Variants in SRCAP observed in about 807,000 individuals in gnomAD.
SRCAP encodes chromatin remodeling protein SRCAP.
In SRCAP, 46 loss-of-function variants were observed where a neutral mutation model predicts 263.1. The ratio of observed to expected loss-of-function variants is 0.17; its 90% CI spans 0.14 to 0.22. SRCAP has a LOEUF of 0.22. Among genes scored for constraint, SRCAP ranks in the 10% least tolerant of loss-of-function variants. The probability of loss-of-function intolerance (pLI) is 1.00; values close to 1 mark genes in which losing one functional copy is unlikely to be tolerated. For synonymous variants in SRCAP, 1,813 were observed against 1,662.1 expected, an observed-to-expected ratio of 1.09 and a Z score of -2.21; for missense variants, 3,695 against 4,181.9, an observed-to-expected ratio of 0.88 and a Z score of 3.21.
chr16:30,726,790 TC>T (rs1258885982), intron 25 of SRCAP, among the ~76,000 whole-genome samples: 1 of 152,186 alleles, frequency 6.6e-6, no homozygotes, highest in Non-Finnish European at 1.5e-5. Flanking sequence ...AACCTCCACT[TC>T]CCAGGCTCAA....
chr16:30,722,633 C>T lies in SRCAP; in HGVS notation c.3777C>T (p.Leu1259=), dbSNP rs1238645446. Residue 1259 remains leucine (L), a synonymous_variant, in exon 23 of 34, where the codon CTC becomes CTT. Coordinates refer to ENST00000262518, the MANE Select transcript of SRCAP (RefSeq NM_006662.3). ...TCAGCCAGCCTGCCCATGTGGCCCT[C>T]ATCCAGGCCGTGGCCCCGACCCCTG... ...HLISQPAHVA[L]IQAVAPTPGP... 1.2e-6 allele frequency: 2 copies of T among 1,614,128 alleles called. No individual in the cohort carries two copies. The highest frequency in any genetic ancestry group is 2.2e-5 in the East Asian group (1 of 44,866).
chr16:30,739,250 G>C lies in SRCAP; in HGVS notation c.9210G>C (p.Arg3070=). ...SRPLTRLARL[R]LEAEGMRGRK... is the part of the protein sequence containing the mutation. ...CCCTCACCCGCCTGGCCCGCCTTCG[G>C]CTTGAAGCAGAAGGAATGCGAGGAC... Residue 3070 remains arginine, a synonymous_variant, in exon 34 of 34, where the codon CGG becomes CGC. Coordinates refer to ENST00000262518, the MANE Select transcript of SRCAP (RefSeq NM_006662.3). 1 of 1,613,754 alleles carries C rather than the reference G, an allele frequency of 6.2e-7. No individual in the cohort carries two copies. Among genetic ancestry groups the C allele is most frequent in the Non-Finnish European group, 8.5e-7 (1 of 1,180,022 alleles).
intron 31 of SRCAP, among the ~76,000 whole-genome samples, chr16:30,735,566 A>AGTTT (rs1834553727): frequency 4.3e-5 from 2 of 46,194 alleles, no homozygotes; most frequent in African/African-American, 1.6e-4. Context: ...TTTTGACATT[A>AGTTT]CTTTTTTTTT....
rs1319217497 is a variant in SRCAP, at chr16:30,700,708, A to G, written c.-117A>G. On this transcript the variant is annotated 5_prime_UTR_variant, in exon 3 of 34. Coordinates refer to ENST00000262518, the MANE Select transcript of SRCAP (RefSeq NM_006662.3). ...CGGGTCCCGGTGGCCGGTGGCCCAG[A>G]ATGAGGCCAGCTCCCAGCATGCCCT... 3.9e-6 allele frequency: 4 copies of G among 1,031,304 alleles called. No individual in the cohort carries two copies. The highest frequency in any genetic ancestry group is 5.7e-6 in the Non-Finnish European group (4 of 705,650). 63.9% of individuals were successfully genotyped at this position (1,031,304 alleles called of 1,614,324 possible).
chr16:30,723,507 G>T, intron 24 of SRCAP, 77 bp from the exon 25 acceptor site: 1 of 1,530,830 alleles, frequency 6.5e-7, no homozygotes, highest in Admixed American at 2.1e-5. Context: ...AAGCTTGGGG[G>T]TATGGGAAAG....
intron 4 of SRCAP, among the ~76,000 whole-genome samples, chr16:30,704,890 C>T (rs1212624199): frequency 5.3e-5 from 8 of 152,120 alleles, no homozygotes; most frequent in Admixed American, 2.6e-4. Flanking sequence ...AACTGTGATG[C>T]TCTTAAGATT....
intron 27 of SRCAP, among the ~76,000 whole-genome samples, chr16:30,731,935 A>G (rs1354788740): frequency 6.7e-6 from 1 of 149,242 alleles, no homozygotes; most frequent in Non-Finnish European, 1.5e-5. Context: ...ACTTGAGTTC[A>G]TGAGTTGGAG....
At chr16:30,703,714 G>A (rs1018208666) in intron 3 of SRCAP, among the ~76,000 whole-genome samples, 7 of 151,498 alleles carry the variant, frequency 4.6e-5, no homozygotes, top group Non-Finnish European at 7.4e-5. Context: ...GGCTAACGTG[G>A]TGAAACCCTG....
At position 30,711,747 on chromosome 16, in the gene SRCAP, G is replaced by A; in HGVS notation, c.1492+3G>A. 1.2e-6 allele frequency: 2 copies of A among 1,611,994 alleles called. No homozygotes were observed. Among genetic ancestry groups the A allele is most frequent in the African/African-American group, 2.7e-5 (2 of 74,946 alleles). On this transcript the variant is annotated splice_donor_region_variant and intron_variant, in intron 11 of 33. Coordinates refer to ENST00000262518, the MANE Select transcript of SRCAP (RefSeq NM_006662.3). ...GGAGGATAGTAGCAGTCAGTCAGGT[G>A]AATATGTGGTCATGAAGCAGGAGCT... is the stretch of plus-strand genomic sequence containing the variant.
intron 7 of SRCAP, 21 bp downstream of exon 7, chr16:30,709,756 T>A (rs920273846): frequency 6.2e-7 from 1 of 1,614,030 alleles, no homozygotes; most frequent in Non-Finnish European, 8.5e-7. Flanking sequence ...TCTTTGGTCC[T>A]GTTACTCTTC....
Position 30,722,305 on chromosome 16 carries a change from C to G in SRCAP, c.3706+19C>G. ...CTGCAAAGTAGGTAAAACCCACCCC[C>G]TGTCCTGCCTTTTTCCTCCTCTTCC... is the stretch of plus-strand genomic sequence containing the variant. On this transcript the variant is annotated intron_variant, in intron 22 of 33. Coordinates refer to ENST00000262518, the MANE Select transcript of SRCAP (RefSeq NM_006662.3). The G allele has an allele frequency of 6.2e-7, 1 of 1,605,982 alleles. No homozygotes were observed. The highest frequency in any genetic ancestry group is 1.3e-5 in the African/African-American group (1 of 74,746).
At chr16:30,735,177 C>T (rs1473820192) in intron 31 of SRCAP, among the ~76,000 whole-genome samples, 3 of 130,610 alleles carry the variant, frequency 2.3e-5, no homozygotes, top group African/African-American at 3.5e-5. Context: ...GACGGAGTCT[C>T]GCTCTGTCGC....
At chr16:30,732,689 T>C (rs1025249338) in intron 27 of SRCAP, among the ~76,000 whole-genome samples, 9 of 152,248 alleles carry the variant, frequency 5.9e-5, no homozygotes, top group Non-Finnish European at 2.9e-5. Context: ...CTTAAGGATC[T>C]CTTGCTCATA....
At chr16:30,717,141 A>T (rs1162222428) in intron 18 of SRCAP, among the ~76,000 whole-genome samples, 1 of 152,146 alleles carries the variant, frequency 6.6e-6, no homozygotes, top group Non-Finnish European at 1.5e-5. Context: ...TTACACCCAT[A>T]TTAATGAGTG....
At position 30,720,888 on chromosome 16, in the gene SRCAP, C is replaced by T; in HGVS notation, c.3163C>T (p.Pro1055Ser). Residue 1055 changes from proline to serine, a missense_variant, in exon 20 of 34, where the codon CCT becomes TCT. Physicochemically the swap from Pro to Ser is moderately conservative, Grantham distance 74. Coordinates refer to ENST00000262518, the MANE Select transcript of SRCAP (RefSeq NM_006662.3). ...LPASLMVSAS[P>S]AGPPLIPASR... ...AGCATCACTGATGGTTTCAGCCTCA[C>T]CTGCCGGGCCCCCGCTTATTCCTGC... 6.2e-7 allele frequency: 1 copy of T among 1,614,172 alleles called. No homozygotes were observed. Among genetic ancestry groups the T allele is most frequent in the East Asian group, 2.2e-5 (1 of 44,892 alleles).
intron 3 of SRCAP, chr16:30,701,444 G>A (rs1290458511): frequency 6.6e-6 from 1 of 152,166 alleles, no homozygotes; most frequent in African/African-American, 2.4e-5. Context: ...AGTACAGTAA[G>A]CTTTTCATGT....
intron 16 of SRCAP, among the ~76,000 whole-genome samples, chr16:30,715,280 A>G (rs1251060694): frequency 6.6e-6 from 1 of 152,180 alleles, no homozygotes; most frequent in Non-Finnish European, 1.5e-5. Flanking sequence ...GAAAACAGGA[A>G]GTCGGCCGGG....
intron 21 of SRCAP, 114 bp from the exon 22 acceptor site, chr16:30,722,008 A>G: frequency 7.6e-7 from 1 of 1,315,386 alleles, no homozygotes; most frequent in Non-Finnish European, 1.0e-6. Context: ...AAATTGTGGG[A>G]AGGGCTTAGT....
intron 18 of SRCAP, among the ~76,000 whole-genome samples, chr16:30,716,719 A>G (rs1390083805): frequency 6.6e-6 from 1 of 152,180 alleles, no homozygotes; most frequent in Non-Finnish European, 1.5e-5. Context: ...TGGACTTAGA[A>G]TGATTCAGCT....
Sources: gnomAD v4.1 joint callset for allele counts (sites outside exome capture counted in the v4.1 genomes callset) on GRCh38, gnomAD v4.1.1 for gene constraint, MANE v1.5 for transcripts, NCBI Gene and HGNC (gene_info 2026-07-23, HGNC 2026-07-21) for gene names.